The following PCDHGB2 variants were observed in gnomAD, a reference collection of about 807,000 sequenced individuals.
PCDHGB2 encodes the protein protocadherin gamma subfamily B, 2.
A neutral mutation model predicts 59.3 loss-of-function variants in PCDHGB2; 55 were observed. The ratio of observed to expected loss-of-function variants is 0.93; its 90% CI spans 0.75 to 1.16. The LOEUF (loss-of-function observed/expected upper bound fraction) is 1.16, where lower values mean the gene tolerates loss of function less well. Among genes scored for constraint, PCDHGB2 ranks in the 50% most tolerant of loss-of-function variants. PCDHGB2 has a pLI of 0.00. For synonymous variants in PCDHGB2, 516 were observed against 512.0 expected (o/e 1.01, Z -0.11); for missense variants, 1,228 against 1,198.5 (o/e 1.02, Z -0.36).
At chr5:141,435,383 G>C (rs1057246190) in intron 1 of PCDHGB2, among the ~76,000 whole-genome samples, 4 of 151,898 alleles carry the variant, frequency 2.6e-5, no homozygotes, top group Admixed American at 2.0e-4. Flanking sequence ...ACAATATACC[G>C]TATTGCCATG....
rs767577725 is a variant in PCDHGB2 at position 141,485,642 on chromosome 5, G to T, written c.2422-9165G>T. 4.3e-6 allele frequency: 7 copies of T among 1,612,162 alleles called. No homozygotes were observed. The highest frequency in any genetic ancestry group is 1.7e-5 in the Admixed American group (1 of 59,938). ...AGGACAGCGTTTCCCGTTGGAAAAGGCTCAGGATGCAGATGTGGGGAGCAA... is the reference window on the plus strand; with the variant it reads ...AGGACAGCGTTTCCCGTTGGAAAAGTCTCAGGATGCAGATGTGGGGAGCAA... On this transcript the variant is annotated intron_variant, in intron 1 of 3. Coordinates refer to ENST00000522605, the MANE Select transcript of PCDHGB2 (RefSeq NM_018923.3). This position sits in a 1 kb window ranked among gnomAD's most constrained non-coding sequence, Gnocchi z 5.7.
At chr5:141,407,707 G>A (rs894295431) in intron 1 of PCDHGB2, among the ~76,000 whole-genome samples, 1 of 151,964 alleles carries the variant, frequency 6.6e-6, no homozygotes, top group African/African-American at 2.4e-5. Flanking sequence ...TTGAAGGTGG[G>A]GTGATGGCTA....
At chr5:141,458,519 T>C (rs974750749) in intron 1 of PCDHGB2, among the ~76,000 whole-genome samples, 1 of 152,110 alleles carries the variant, frequency 6.6e-6, no homozygotes, top group Non-Finnish European at 1.5e-5. Context: ...CTTTGTTTTT[T>C]TTTTTAACTT....
chr5:141,451,237 A>G (rs1405567593), intron 1 of PCDHGB2, among the ~76,000 whole-genome samples: 1 of 152,198 alleles, frequency 6.6e-6, no homozygotes, highest in Non-Finnish European at 1.5e-5. Context: ...TTATTATCTC[A>G]TAAATTTTGT....
intron 3 of PCDHGB2, among the ~76,000 whole-genome samples, chr5:141,508,629 T>C (rs934648689): frequency 6.6e-6 from 1 of 152,054 alleles, no homozygotes; most frequent in Non-Finnish European, 1.5e-5. Context: ...GGGCCGAGCT[T>C]CTAGCTACTC....
At position 141,432,957 on chromosome 5, in the gene PCDHGB2, C is replaced by T. The variant is rs2097553676; in HGVS notation, c.2422-61850C>T. 1 of 1,614,190 alleles carries T rather than the reference C, an allele frequency of 6.2e-7. No individual in the cohort carries two copies. The highest frequency in any genetic ancestry group is 8.5e-7 in the Non-Finnish European group (1 of 1,180,030). ...CTGCAGGCTTCAGGAGGCGGCTTGA[C>T]AGGAGCGCCGGCGTCGCACTTTGTG... On this transcript the variant is annotated intron_variant, in intron 1 of 3. Coordinates refer to ENST00000522605, the MANE Select transcript of PCDHGB2 (RefSeq NM_018923.3). This position sits in a 1 kb window ranked among gnomAD's most constrained non-coding sequence, Gnocchi z 6.0.
chr5:141,476,922 C>T lies in PCDHGB2; in HGVS notation c.2422-17885C>T. 4 of 1,614,120 alleles carry T rather than the reference C, an allele frequency of 2.5e-6. No individual in the cohort carries two copies. Among genetic ancestry groups the T allele is most frequent in the Non-Finnish European group, 2.5e-6 (3 of 1,180,050 alleles). On this transcript the variant is annotated intron_variant, in intron 1 of 3. Transcript: ENST00000522605. The surrounding 1 kb of genome is among the most constrained non-coding windows in gnomAD (Gnocchi z 7.6). ...ACGCGCGTGGTACAAGTCCTTGCAA[C>T]GGATCTGGATGAAGGCCCCAACGGT...
At chr5:141,400,339 A>G in intron 1 of PCDHGB2, 1 of 1,613,986 alleles carries the variant, frequency 6.2e-7, no homozygotes. Flanking sequence ...GGTTCCCCCC[A>G]ACTACAGTCA....
chr5:141,421,118 T>C (rs572827470), intron 1 of PCDHGB2: 2 of 771,948 alleles, frequency 2.6e-6, no homozygotes, highest in Non-Finnish European at 2.0e-6. Context: ...GTATTTTCCT[T>C]CGCTTTCTGA....
chr5:141,421,895 G>A, intron 1 of PCDHGB2: 1 of 1,613,730 alleles, frequency 6.2e-7, no homozygotes, highest in African/African-American at 1.3e-5. Flanking sequence ...GATCCCATCC[G>A]AAAGGGCGCA....
intron 1 of PCDHGB2, chr5:141,370,538 G>A: frequency 3.1e-6 from 5 of 1,613,906 alleles, no homozygotes; most frequent in Non-Finnish European, 4.2e-6. Context: ...CGCTGGTAGG[G>A]AACCTCGCCA....
rs529934949 is a variant in PCDHGB2 at position 141,383,902 on chromosome 5, A to C, written c.2421+21346A>C. ...TAGTCTGACAAAGGCAAAAGTACTG[A>C]TCACAGTTTTAGATGTAAATGATAA... On this transcript the variant is annotated intron_variant, in intron 1 of 3. Coordinates refer to ENST00000522605, the MANE Select transcript of PCDHGB2 (RefSeq NM_018923.3). The C allele has an allele frequency of 4.8e-5, 77 of 1,613,976 alleles. 1 individual carries two copies. The South Asian group carries it at 7.9e-4, about 17-fold the overall frequency.
chr5:141,371,664 G>A (rs1433896687), intron 1 of PCDHGB2: 2 of 1,613,906 alleles, frequency 1.2e-6, no homozygotes, highest in Non-Finnish European at 1.7e-6. Flanking sequence ...GACGATCACA[G>A]CTACCGACAA....
rs1266504186 is a variant in PCDHGB2 at position 141,361,233 on chromosome 5, C to T, written c.1098C>T (p.Ile366=). The change falls in exon 1 of 4, where the codon ATC becomes ATT. Residue 366 remains isoleucine, a synonymous_variant. Transcript: ENST00000522605. The part of the protein sequence containing the change: ...LPEDSPPGTV[I]ALIKTRDRDS... ...AGGATTCGCCACCAGGAACAGTGATCGCCTTGATAAAAACGAGAGACAGAG... is the reference window on the plus strand; with the variant it reads ...AGGATTCGCCACCAGGAACAGTGATTGCCTTGATAAAAACGAGAGACAGAG... 5 of 1,613,834 alleles carry T rather than the reference C, an allele frequency of 3.1e-6. No individual in the cohort carries two copies. The highest frequency in any genetic ancestry group is 4.2e-6 in the Non-Finnish European group (5 of 1,179,902).
intron 1 of PCDHGB2, among the ~76,000 whole-genome samples, chr5:141,454,701 C>G (rs1182969868): frequency 6.6e-6 from 1 of 151,760 alleles, no homozygotes; most frequent in Non-Finnish European, 1.5e-5. Context: ...CCACCATGCT[C>G]CACCTGCTTA....
intron 1 of PCDHGB2, chr5:141,403,541 G>A (rs1332209242): frequency 6.2e-7 from 1 of 1,614,016 alleles, no homozygotes. Context: ...GCTGGTGCTG[G>A]AGCGCGCCCT....
intron 1 of PCDHGB2, chr5:141,376,018 C>T (rs761668305): frequency 9.9e-6 from 16 of 1,613,312 alleles, no homozygotes; most frequent in Admixed American, 5.0e-5. Flanking sequence ...TAGTGGTGGC[C>T]GTCCAGGACC....
chr5:141,427,099 A>G (rs989437547), intron 1 of PCDHGB2: 3 of 457,936 alleles, frequency 6.6e-6, no homozygotes, highest in African/African-American at 6.0e-5. Context: ...GAGGGTGTCA[A>G]TGCGGAGATC....
intron 1 of PCDHGB2, chr5:141,377,764 T>C (rs1774337022): frequency 6.6e-6 from 1 of 152,240 alleles, no homozygotes; most frequent in Non-Finnish European, 1.5e-5. Context: ...CACCAGATCT[T>C]TGGTGTTAAA....
Sources: allele counts gnomAD v4.1 joint callset (sites outside exome capture counted in the v4.1 genomes callset), GRCh38; gene constraint gnomAD v4.1.1; non-coding constraint Gnocchi (gnomAD v3.1); transcripts MANE v1.5; gene names NCBI Gene and HGNC (gene_info 2026-07-23, HGNC 2026-07-21).